Variants in FRMPD3 observed in about 807,000 individuals in gnomAD.
The protein encoded by FRMPD3 is FERM and PDZ domain-containing protein 3.
Under a neutral mutation model 97.9 loss-of-function variants are expected in FRMPD3, and 42 were observed. That is an observed-to-expected ratio of 0.43 (90% CI 0.34 to 0.55). FRMPD3 has a LOEUF of 0.55. FRMPD3 is among the 20% of genes least tolerant of loss of function. FRMPD3 has a pLI of 0.03. For synonymous variants in FRMPD3, 577 were observed against 581.1 expected (o/e 0.99, Z 0.10); for missense variants, 1,303 against 1,457.7 (o/e 0.89, Z 1.73).
At position 107,597,960 on chromosome X, in the gene FRMPD3, G is replaced by T; in HGVS notation, c.2081G>T (p.Gly694Val). The change falls in exon 14 of 15, where the codon GGA becomes GTA. Residue 694 changes from glycine to valine, a missense_variant. This residue lies in a region of FRMPD3 where 535 missense variants were observed against 618.6 expected (regional missense o/e 0.86). Transcript: ENST00000683843. ...KRRAVQSQEQ[G>V]RHLRGLLYDE... ...CGGGCTGTCCAGAGCCAGGAACAAGGACGCCACCTGCGTGGGCTTCTGTAC... is the reference window on the plus strand; with the variant it reads ...CGGGCTGTCCAGAGCCAGGAACAAGTACGCCACCTGCGTGGGCTTCTGTAC... 4 of 1,210,736 alleles carry T rather than the reference G, an allele frequency of 3.3e-6. No homozygotes were observed. Among genetic ancestry groups the T allele is most frequent in the Non-Finnish European group, 3.4e-6 (3 of 895,440 alleles).
At chrX:107,554,249 G>A in intron 7 of FRMPD3, 136 bp from the exon 8 acceptor site, 1 of 632,901 alleles carries the variant, frequency 1.6e-6, no homozygotes, top group Non-Finnish European at 2.4e-6. Context: ...AATCAGCCAG[G>A]TCGGAGACAG....
At chrX:107,454,746 A>C (rs1211189757) in intron 1 of FRMPD3, among the ~76,000 whole-genome samples, 1 of 112,248 alleles carries the variant, frequency 8.9e-6, no homozygotes, top group Admixed American at 9.4e-5. Context: ...CTGGCATTCA[A>C]AGTTCTCCTT....
At chrX:107,456,591 T>A (rs1349446872) in intron 1 of FRMPD3, among the ~76,000 whole-genome samples, 1 of 112,459 alleles carries the variant, frequency 8.9e-6, no homozygotes, top group African/African-American at 3.2e-5. Flanking sequence ...TGCCTTTGTA[T>A]TATCCATTAC....
intron 1 of FRMPD3, chrX:107,512,852 T>A (rs1922202584): frequency 8.9e-6 from 1 of 112,491 alleles, no homozygotes; most frequent in African/African-American, 3.2e-5. Flanking sequence ...CTTCCACAGC[T>A]CAGTGGCAGC....
At chrX:107,574,550 T>G (rs1187084614) in intron 12 of FRMPD3, among the ~76,000 whole-genome samples, 1 of 112,475 alleles carries the variant, frequency 8.9e-6, no homozygotes, top group Non-Finnish European at 1.9e-5. Flanking sequence ...CTGGCCTATA[T>G]GAACTACAAA....
intron 1 of FRMPD3, among the ~76,000 whole-genome samples, chrX:107,455,829 C>T (rs771254723): frequency 1.7e-3 from 190 of 111,582 alleles, no homozygotes; most frequent in Non-Finnish European, 2.7e-3. Context: ...AAGGAGGCTT[C>T]CTGTCCTTCT....
At chrX:107,600,213 A>G (rs1371039195) in intron 14 of FRMPD3, 90 bp from the exon 15 acceptor site, 25 of 1,081,971 alleles carry the variant, frequency 2.3e-5, no homozygotes, top group African/African-American at 3.8e-5. Flanking sequence ...CCTAGAGCCA[A>G]TCGCCCATGA....
chrX:107,578,063 A>G (rs1262404690), intron 13 of FRMPD3, among the ~76,000 whole-genome samples: 2 of 111,948 alleles, frequency 1.8e-5, no homozygotes, highest in African/African-American at 3.2e-5. Flanking sequence ...CAGCATTAGC[A>G]TTATCACTGT....
At chrX:107,498,684 T>G (rs1000548298) in intron 1 of FRMPD3, among the ~76,000 whole-genome samples, 2 of 111,380 alleles carry the variant, frequency 1.8e-5, no homozygotes, top group African/African-American at 6.6e-5. Flanking sequence ...CTCAGGAGGA[T>G]CCCCAAGAAA....
At chrX:107,584,309 AT>A (rs1923547093) in intron 13 of FRMPD3, among the ~76,000 whole-genome samples, 1 of 110,393 alleles carries the variant, frequency 9.1e-6, no homozygotes, top group Admixed American at 9.7e-5. Context: ...TTCCTTGTAA[AT>A]TTGTTTAAGT....
intron 1 of FRMPD3, among the ~76,000 whole-genome samples, chrX:107,467,601 G>A (rs1020890332): frequency 2.7e-5 from 3 of 111,525 alleles, no homozygotes; most frequent in Admixed American, 9.5e-5. Flanking sequence ...TCCTCACTAG[G>A]CAGTTTATTC....
intron 1 of FRMPD3, among the ~76,000 whole-genome samples, chrX:107,523,725 G>A (rs934079050): frequency 8.9e-6 from 1 of 112,298 alleles, no homozygotes; most frequent in African/African-American, 3.2e-5. Context: ...GTAGGCACTT[G>A]ATAAATACTT....
intron 1 of FRMPD3, among the ~76,000 whole-genome samples, chrX:107,465,883 G>GA (rs1250861846): frequency 1.0e-4 from 11 of 104,864 alleles, no homozygotes; most frequent in African/African-American, 1.7e-4. Context: ...AAAAAAAAAA[G>GA]AAAAAAAAAA....
intron 1 of FRMPD3, among the ~76,000 whole-genome samples, chrX:107,494,945 T>C (rs1216424289): frequency 1.8e-5 from 2 of 111,925 alleles, no homozygotes; most frequent in African/African-American, 6.5e-5. Flanking sequence ...GGGTTGAGGA[T>C]CAACAGGCAT....
At chrX:107,543,438 G>T (rs1921412100) in intron 4 of FRMPD3, among the ~76,000 whole-genome samples, 1 of 110,975 alleles carries the variant, frequency 9.0e-6, no homozygotes, top group Non-Finnish European at 1.9e-5. Flanking sequence ...AGATAACCTG[G>T]TGGCTGTCTC....
At chrX:107,485,302 G>T (rs1326202141) in intron 1 of FRMPD3, among the ~76,000 whole-genome samples, 1 of 112,289 alleles carries the variant, frequency 8.9e-6, no homozygotes, top group African/African-American at 3.2e-5. Flanking sequence ...TGCAGGGACT[G>T]CAAAGACTGC....
chrX:107,564,927 G>A lies in FRMPD3; in HGVS notation c.1157G>A (p.Arg386His). Reference sequence around the variant, plus strand: ...GCCACCACGCTCCTGGTGGGACCCCGTCATGGCATCAGCCATGTTATTGAC... The same window carrying A: ...GCCACCACGCTCCTGGTGGGACCCCATCATGGCATCAGCCATGTTATTGAC... ...QSATTLLVGPRHGISHVIDLK... is the reference protein window; with the variant it reads ...QSATTLLVGPHHGISHVIDLK... The change falls in exon 12 of 15, where the codon CGT (arginine) becomes CAT (histidine). Residue 386 changes from arginine to histidine, a missense_variant. By Grantham distance (29) the Arg-to-His change is conservative. Coordinates refer to ENST00000683843, the MANE Select transcript of FRMPD3 (RefSeq NM_001388459.1). The A allele has an allele frequency of 8.3e-7, 1 of 1,210,476 alleles. No individual in the cohort carries two copies. Among genetic ancestry groups the A allele is most frequent in the East Asian group, 3.0e-5 (1 of 33,813 alleles).
intron 1 of FRMPD3, among the ~76,000 whole-genome samples, chrX:107,519,497 C>T (rs1922441912): frequency 9.0e-6 from 1 of 111,304 alleles, no homozygotes; most frequent in Non-Finnish European, 1.9e-5. Context: ...CTGTCTCAAT[C>T]AATCGAATCA....
rs781119961 is a variant in FRMPD3, at chrX:107,600,798, C to G, written c.2759C>G (p.Ser920Cys). ...ATGTCACTGAGGGCAGCCACATCAT[C>G]CCTCAGTGAAGAGCAGGTCTCTGAG... ...LEMSLRAATS[S>C]LSEEQVSELR... is the part of the protein sequence containing the mutation. Residue 920 changes from serine to cysteine, a missense_variant, in exon 15 of 15, where the codon TCC becomes TGC. Physicochemically the swap from Ser to Cys is moderately radical, Grantham distance 112. Around this residue, in one of 3 missense-constraint regions of FRMPD3, gnomAD observed 764 missense variants for 820.2 expected, o/e 0.93. Transcript: ENST00000683843. The G allele has an allele frequency of 6.6e-6, 8 of 1,208,812 alleles. No individual in the cohort carries two copies. In the East Asian group the frequency reaches 2.4e-4, roughly 36 times the overall value.
Sources: gnomAD v4.1 joint callset for allele counts (sites outside exome capture counted in the v4.1 genomes callset) on GRCh38, gnomAD v4.1.1 for gene constraint, gnomAD v4.1.1 regional missense constraint, MANE v1.5 for transcripts, NCBI Gene and HGNC (gene_info 2026-07-23, HGNC 2026-07-21) for gene names.